Variants in PLCB1 observed in about 807,000 individuals in gnomAD.
PLCB1 encodes the protein phospholipase C beta 1, also known as 1-phosphatidylinositol 4,5-bisphosphate phosphodiesterase beta-1.
PLCB1 carries 46 observed loss-of-function variants against 161.8 expected under a neutral mutation model. The observed-to-expected ratio is 0.28, with a 90% confidence interval of 0.22 to 0.36. The LOEUF (loss-of-function observed/expected upper bound fraction) is 0.36, where lower values mean the gene tolerates loss of function less well. Among genes scored for constraint, PLCB1 ranks in the 10% least tolerant of loss-of-function variants. The pLI is 1.00. For synonymous variants in PLCB1, 517 were observed against 503.7 expected (o/e 1.03, Z -0.35); for missense variants, 1,016 against 1,472.5 (o/e 0.69, Z 5.07).
chr20:8,527,402 A>G (rs1984624406), intron 3 of PLCB1, among the ~76,000 whole-genome samples: 1 of 152,128 alleles, frequency 6.6e-6, no homozygotes, highest in Admixed American at 6.6e-5. Flanking sequence ...ATAAATAAAC[A>G]GCATGGATTC....
intron 8 of PLCB1, among the ~76,000 whole-genome samples, chr20:8,657,690 A>G (rs1989502339): frequency 6.6e-6 from 1 of 152,098 alleles, no homozygotes; most frequent in African/African-American, 2.4e-5. Context: ...GAACCCTCTC[A>G]GCTGAAGAAT....
intron 31 of PLCB1, among the ~76,000 whole-genome samples, chr20:8,863,222 G>A (rs907107830): frequency 2.6e-5 from 4 of 152,140 alleles, no homozygotes; most frequent in Middle Eastern, 3.2e-3. Flanking sequence ...TGAGAAGTTC[G>A]CCAAGATTAT....
At chr20:8,411,295 G>T (rs1251605288) in intron 3 of PLCB1, among the ~76,000 whole-genome samples, 1 of 151,764 alleles carries the variant, frequency 6.6e-6, no homozygotes, top group African/African-American at 2.4e-5. Flanking sequence ...AGGTTGAAAT[G>T]ATAATATATT....
At chr20:8,432,155 C>T (rs532712163) in intron 3 of PLCB1, among the ~76,000 whole-genome samples, 37 of 152,158 alleles carry the variant, frequency 2.4e-4, no homozygotes, top group Non-Finnish European at 5.1e-4. Flanking sequence ...CAATCTGAAG[C>T]GTGAGGAGGG....
intron 31 of PLCB1, among the ~76,000 whole-genome samples, chr20:8,836,435 T>G (rs1568618931): frequency 2.5e-5 from 2 of 80,880 alleles, no homozygotes; most frequent in African/African-American, 6.5e-5. Flanking sequence ...ACATACACTA[T>G]TGATTCTGTC....
At chr20:8,752,672 A>C (rs891021539) in intron 23 of PLCB1, among the ~76,000 whole-genome samples, 1 of 151,954 alleles carries the variant, frequency 6.6e-6, no homozygotes, top group African/African-American at 2.4e-5. Flanking sequence ...GCATGCCTGT[A>C]ATTCCAGCTA....
chr20:8,272,394 CAAGATGGTAATA>C (rs1401882859), intron 2 of PLCB1, among the ~76,000 whole-genome samples: 2 of 151,886 alleles, frequency 1.3e-5, no homozygotes, highest in Non-Finnish European at 2.9e-5. Flanking sequence ...AAAAAAAATC[CAAGATGGTAATA>C]AGGAGCTTTA....
intron 2 of PLCB1, among the ~76,000 whole-genome samples, chr20:8,221,127 A>G (rs1428277834): frequency 6.6e-6 from 1 of 152,180 alleles, no homozygotes; most frequent in Admixed American, 6.5e-5. Context: ...GCATACATAT[A>G]TCTTCTCAAT....
chr20:8,156,667 T>A (rs539298401), intron 2 of PLCB1, among the ~76,000 whole-genome samples: 1 of 152,190 alleles, frequency 6.6e-6, no homozygotes, highest in Non-Finnish European at 1.5e-5. Context: ...ACAGATGTGG[T>A]TTGTCACAGT....
intron 3 of PLCB1, among the ~76,000 whole-genome samples, chr20:8,523,778 G>A (rs1418934764): frequency 6.6e-6 from 1 of 151,642 alleles, no homozygotes; most frequent in Non-Finnish European, 1.5e-5. Flanking sequence ...CGCATTGGGA[G>A]GGAAGAAGAT....
At chr20:8,162,310 A>C (rs924570569) in intron 2 of PLCB1, among the ~76,000 whole-genome samples, 4 of 152,174 alleles carry the variant, frequency 2.6e-5, no homozygotes, top group African/African-American at 9.7e-5. Context: ...CCCTTGAATG[A>C]GTGAATGTGG....
chr20:8,495,447 G>C (rs1202497966), intron 3 of PLCB1, among the ~76,000 whole-genome samples: 1 of 146,082 alleles, frequency 6.8e-6, no homozygotes, highest in Non-Finnish European at 1.5e-5. Flanking sequence ...GCCCAGGATG[G>C]GGTGCAGTGG....
At chr20:8,350,030 G>A (rs186511829) in intron 2 of PLCB1, among the ~76,000 whole-genome samples, 95 of 152,176 alleles carry the variant, frequency 6.2e-4, no homozygotes, top group African/African-American at 9.4e-4. Context: ...ATGTACAAAC[G>A]TCTATTGTTT....
chr20:8,419,422 A>AT (rs146192558), intron 3 of PLCB1, among the ~76,000 whole-genome samples: 1,698 of 152,158 alleles, frequency 0.011, 36 homozygotes, highest in African/African-American at 0.038. Context: ...TTGTGTTATG[A>AT]TTTTTTTTAA....
chr20:8,397,332 T>G (rs1987797147), intron 3 of PLCB1, among the ~76,000 whole-genome samples: 1 of 152,106 alleles, frequency 6.6e-6, no homozygotes, highest in Non-Finnish European at 1.5e-5. Flanking sequence ...AGAGTTATAT[T>G]ATTAATTTGC....
intron 3 of PLCB1, among the ~76,000 whole-genome samples, chr20:8,429,219 TACTC>T (rs1256424765): frequency 6.6e-6 from 1 of 152,232 alleles, no homozygotes; most frequent in East Asian, 1.9e-4. Flanking sequence ...CACATGTACT[TACTC>T]ACTTGGTTTT....
chr20:8,262,129 G>A (rs1158346304), intron 2 of PLCB1, among the ~76,000 whole-genome samples: 2 of 152,058 alleles, frequency 1.3e-5, no homozygotes, highest in East Asian at 3.9e-4. Context: ...GAGTGCAGTG[G>A]CATGATCTCA....
chr20:8,685,403 G>A (rs1323292783), intron 10 of PLCB1, among the ~76,000 whole-genome samples: 3 of 151,902 alleles, frequency 2.0e-5, no homozygotes, highest in South Asian at 4.2e-4. Context: ...AGTCCTACCC[G>A]GTTCTCTGGG....
intron 10 of PLCB1, among the ~76,000 whole-genome samples, chr20:8,696,887 C>T (rs939375831): frequency 6.6e-6 from 1 of 152,120 alleles, no homozygotes; most frequent in African/African-American, 2.4e-5. Context: ...GCGCCTGCCA[C>T]CACACCCGGC....
Sources: gnomAD v4.1 joint callset for allele counts (sites outside exome capture counted in the v4.1 genomes callset) on GRCh38, gnomAD v4.1.1 for gene constraint, MANE v1.5 for transcripts, NCBI Gene and HGNC (gene_info 2026-07-23, HGNC 2026-07-21) for gene names.